Variants in NAALADL2 observed in about 807,000 individuals in gnomAD.
NAALADL2 encodes N-acetylated alpha-linked acidic dipeptidase like 2.
NAALADL2 carries 76 observed loss-of-function variants against 87.2 expected under a neutral mutation model. The ratio of observed to expected loss-of-function variants is 0.87; its 90% confidence interval spans 0.72 to 1.05. The LOEUF (loss-of-function observed/expected upper bound fraction) is 1.05. NAALADL2 is among the 50% of genes least tolerant of loss of function. NAALADL2 has a pLI of 0.00. For synonymous variants in NAALADL2, 354 were observed against 331.0 expected (o/e 1.07, Z -0.75); for missense variants, 1,089 against 945.8 (o/e 1.15, Z -1.99).
At chr3:174,880,123 T>C (rs1432191302) in intron 1 of NAALADL2, among the ~76,000 whole-genome samples, 3 of 152,026 alleles carry the variant, frequency 2.0e-5, no homozygotes, top group Non-Finnish European at 4.4e-5. Context: ...ACCTATCAGC[T>C]CTATATCGAT....
chr3:174,479,215 A>G (rs1205342318), intron 1 of NAALADL2, among the ~76,000 whole-genome samples: 1 of 152,176 alleles, frequency 6.6e-6, no homozygotes, highest in Non-Finnish European at 1.5e-5. Context: ...GTTGACTAAG[A>G]TTTAATCGAA....
At chr3:174,449,862 G>T (rs1715352137) in intron 1 of NAALADL2, among the ~76,000 whole-genome samples, 1 of 151,794 alleles carries the variant, frequency 6.6e-6, no homozygotes, top group Admixed American at 6.6e-5. Context: ...TCTCTTTTCA[G>T]TTTTTTTCTG....
chr3:175,276,773 T>C (rs1411709298), intron 4 of NAALADL2, among the ~76,000 whole-genome samples: 1 of 152,202 alleles, frequency 6.6e-6, no homozygotes, highest in African/African-American at 2.4e-5. Context: ...TCTTATTTAT[T>C]TTTTAAATTT....
At chr3:175,584,162 T>A (rs6803414) in intron 10 of NAALADL2, among the ~76,000 whole-genome samples, 1 of 151,714 alleles carries the variant, frequency 6.6e-6, no homozygotes, top group African/African-American at 2.4e-5. Flanking sequence ...CTCAGCCTCC[T>A]GAGTAACTGG....
intron 3 of NAALADL2, among the ~76,000 whole-genome samples, chr3:174,814,890 C>G (rs373501094): frequency 1.6e-4 from 25 of 152,136 alleles, no homozygotes; most frequent in Admixed American, 1.4e-3. Flanking sequence ...TCTGTGGGTA[C>G]GTTATTTCAA....
At chr3:174,838,557 G>T (rs577671900) in intron 3 of NAALADL2, among the ~76,000 whole-genome samples, 6 of 152,038 alleles carry the variant, frequency 3.9e-5, no homozygotes, top group Admixed American at 1.3e-4. Flanking sequence ...TCAAACTGTC[G>T]CTGTCTGCTG....
In NAALADL2 at chr3:175,428,691, C is replaced by A. The variant is rs1045287100; in HGVS notation, c.1091-18538C>A. Among the ~76,000 whole-genome samples, 6 of 152,184 alleles carry A rather than the reference C, an allele frequency of 3.9e-5. No homozygotes were observed. In the East Asian group the frequency reaches 1.2e-3, roughly 29 times the overall value. On this transcript the variant is annotated intron_variant, in intron 5 of 13. Transcript: ENST00000454872. ...TCACTTGTCTCCACCATGAGCAAAG[C>A]CAACTTTAATTCTCACTGGGACAAC... is the stretch of plus-strand genomic sequence containing the variant.
At position 175,274,759 on chromosome 3, in the gene NAALADL2, G is replaced by A. The variant is rs559571602; in HGVS notation, c.939+18229G>A. Among the ~76,000 whole-genome samples, 61 of 152,190 alleles carry A rather than the reference G, an allele frequency of 4.0e-4. No homozygotes were observed. In the East Asian group the frequency reaches 0.012, roughly 29 times the overall value. ...AAAGTGTTCAGTTAGTGAATTGAAG[G>A]TGAGCTACCTCTTCAAGATAACAGA... is the stretch of plus-strand genomic sequence containing the variant. On this transcript the variant is annotated intron_variant, in intron 4 of 13. Coordinates refer to ENST00000454872, the MANE Select transcript of NAALADL2 (RefSeq NM_207015.3).
At chr3:175,108,853 A>G (rs1410153795) in intron 2 of NAALADL2, among the ~76,000 whole-genome samples, 1 of 151,876 alleles carries the variant, frequency 6.6e-6, no homozygotes, top group Non-Finnish European at 1.5e-5. Flanking sequence ...GGGACAGCCA[A>G]GAAAAATTGT....
chr3:174,669,011 G>T (rs1726254774), intron 2 of NAALADL2, among the ~76,000 whole-genome samples: 1 of 152,088 alleles, frequency 6.6e-6, no homozygotes, highest in Non-Finnish European at 1.5e-5. Flanking sequence ...TTCCACAATG[G>T]TTGAACTAGT....
intron 2 of NAALADL2, among the ~76,000 whole-genome samples, chr3:175,224,141 C>T (rs950682866): frequency 7.2e-5 from 11 of 151,874 alleles, no homozygotes; most frequent in African/African-American, 2.7e-4. Flanking sequence ...AATGTCAGAG[C>T]CCACTGAGGC....
chr3:174,571,278 G>A (rs560933178), intron 2 of NAALADL2, among the ~76,000 whole-genome samples: 22 of 150,232 alleles, frequency 1.5e-4, no homozygotes, highest in East Asian at 5.8e-4. Context: ...AAAATCTTTC[G>A]TTTTTTTAGT....
intron 1 of NAALADL2, among the ~76,000 whole-genome samples, chr3:174,875,793 T>C (rs1013710477): frequency 1.3e-5 from 2 of 151,420 alleles, no homozygotes; most frequent in Admixed American, 6.6e-5. Flanking sequence ...AGTAATATCT[T>C]GCTGGTAACG....
At chr3:174,870,916 G>A (rs1727750805) in intron 1 of NAALADL2, among the ~76,000 whole-genome samples, 2 of 152,022 alleles carry the variant, frequency 1.3e-5, no homozygotes, top group Non-Finnish European at 2.9e-5. Context: ...GTACAACATA[G>A]TGCTTTCTGT....
chr3:174,457,719 G>C (rs1559996058), intron 1 of NAALADL2, among the ~76,000 whole-genome samples: 1 of 152,090 alleles, frequency 6.6e-6, no homozygotes. Context: ...AGCTACTCAG[G>C]AGATTTGCTT....
intron 1 of NAALADL2, among the ~76,000 whole-genome samples, chr3:174,514,503 A>G (rs1231532904): frequency 6.6e-6 from 1 of 152,182 alleles, no homozygotes; most frequent in Non-Finnish European, 1.5e-5. Flanking sequence ...AGGATTATGT[A>G]TGTTTTTATT....
intron 13 of NAALADL2, among the ~76,000 whole-genome samples, chr3:175,785,898 T>C (rs1214011358): frequency 6.7e-6 from 1 of 149,812 alleles, no homozygotes; most frequent in African/African-American, 2.5e-5. Flanking sequence ...AGGGCAGGCC[T>C]GGTGGTGACA....
intron 2 of NAALADL2, among the ~76,000 whole-genome samples, chr3:174,605,947 G>T (rs1447227619): frequency 1.3e-5 from 2 of 152,244 alleles, no homozygotes; most frequent in Non-Finnish European, 2.9e-5. Context: ...CACCTCACAT[G>T]GCCGGATACT....
intron 4 of NAALADL2, among the ~76,000 whole-genome samples, chr3:175,289,261 G>A (rs1018025886): frequency 1.4e-4 from 22 of 152,026 alleles, no homozygotes; most frequent in African/African-American, 4.8e-4. Context: ...TAAGGTTTAC[G>A]TGAGTATGTA....
Sources: allele counts gnomAD v4.1 joint callset (sites outside exome capture counted in the v4.1 genomes callset), GRCh38; gene constraint gnomAD v4.1.1; transcripts MANE v1.5; gene names NCBI Gene and HGNC (gene_info 2026-07-23, HGNC 2026-07-21).